Variants in RGS7 observed in about 807,000 individuals in gnomAD.
RGS7 encodes regulator of G-protein signaling 7.
Under a neutral mutation model 81.1 loss-of-function variants are expected in RGS7, and 27 were observed. The observed-to-expected ratio is 0.33, with a 90% CI of 0.25 to 0.46. The LOEUF (loss-of-function observed/expected upper bound fraction) is 0.46, where lower values mean the gene tolerates loss of function less well. Among genes scored for constraint, RGS7 ranks in the 20% least tolerant of loss-of-function variants. The pLI, the probability that RGS7 is intolerant of heterozygous loss-of-function variation, is 1.00. For missense variants in RGS7, 396 were observed against 607.4 expected, an observed-to-expected ratio of 0.65 and a Z score of 3.66; for synonymous variants, 208 against 207.7, an observed-to-expected ratio of 1.00 and a Z score of -0.01.
chr1:240,934,371 G>A (rs892630047), intron 5 of RGS7, among the ~76,000 whole-genome samples: 1 of 152,180 alleles, frequency 6.6e-6, no homozygotes, highest in East Asian at 1.9e-4. Context: ...CCAAGGAGTT[G>A]AATTTCACTT....
chr1:240,962,282 G>A (rs1164049453), intron 4 of RGS7, among the ~76,000 whole-genome samples: 4 of 152,058 alleles, frequency 2.6e-5, no homozygotes, highest in Non-Finnish European at 4.4e-5. Flanking sequence ...CTGCTGTCAC[G>A]CTCTGTCTAC....
At chr1:241,224,181 T>C (rs1405047990) in intron 2 of RGS7, among the ~76,000 whole-genome samples, 1 of 151,996 alleles carries the variant, frequency 6.6e-6, no homozygotes, top group Non-Finnish European at 1.5e-5. Context: ...CGTGCCTTGG[T>C]GGTTTGCTAC....
At chr1:240,953,997 T>C (rs1471205826) in intron 4 of RGS7, among the ~76,000 whole-genome samples, 1 of 151,976 alleles carries the variant, frequency 6.6e-6, no homozygotes, top group Non-Finnish European at 1.5e-5. Flanking sequence ...TTTGATAACT[T>C]AGATAAAAAA....
intron 3 of RGS7, among the ~76,000 whole-genome samples, chr1:241,005,542 T>A (rs1164109715): frequency 6.6e-6 from 1 of 152,094 alleles, no homozygotes; most frequent in Non-Finnish European, 1.5e-5. Flanking sequence ...TTTTATTTAC[T>A]TTTTATTTTT....
intron 3 of RGS7, among the ~76,000 whole-genome samples, chr1:241,079,023 GTGTT>G (rs2062985314): frequency 6.6e-6 from 1 of 152,154 alleles, no homozygotes; most frequent in Admixed American, 6.5e-5. Flanking sequence ...TAAATGGAGA[GTGTT>G]TGGGGGGCTC....
intron 6 of RGS7, among the ~76,000 whole-genome samples, chr1:240,881,692 C>T (rs1232059672): frequency 6.6e-6 from 1 of 151,984 alleles, no homozygotes; most frequent in Non-Finnish European, 1.5e-5. Flanking sequence ...GCAACTGAAA[C>T]ATTTATTAAG....
Position 240,811,905 on chromosome 1 carries a change from C to G in RGS7, c.1082+13G>C. 1 of 1,604,494 alleles carries G rather than the reference C, an allele frequency of 6.2e-7. No homozygotes were observed. The highest frequency in any genetic ancestry group is 8.5e-7 in the Non-Finnish European group (1 of 1,171,170). Reference sequence around the variant, plus strand: ...ATTTCTCTGGCTTATAAGATCCAAGCAATGTGTTTTACCTTAAATTTTCCG... The same window carrying G: ...ATTTCTCTGGCTTATAAGATCCAAGGAATGTGTTTTACCTTAAATTTTCCG... On this transcript the variant is annotated intron_variant, in intron 14 of 18. Transcript: ENST00000440928.
At chr1:240,991,627 G>T (rs970231257) in intron 3 of RGS7, among the ~76,000 whole-genome samples, 8 of 152,132 alleles carry the variant, frequency 5.3e-5, no homozygotes, top group African/African-American at 1.7e-4. Flanking sequence ...TGTTTCCTTA[G>T]GATGGGGATA....
chr1:240,800,933 G>C (rs4603122), intron 17 of RGS7, among the ~76,000 whole-genome samples: 80,351 of 151,914 alleles, frequency 0.53, 23,623 homozygotes, highest in Non-Finnish European at 0.66. Flanking sequence ...GAAAAATAAG[G>C]AATAAGAAAG....
Position 240,990,844 on chromosome 1 carries a change from G to A in RGS7, c.176-7715C>T, listed in dbSNP as rs75431056. On this transcript the variant is annotated intron_variant, in intron 3 of 18. Transcript: ENST00000440928. ...AGATACATTTGAAGCATTTGCCTAC[G>A]AGACTTTAAAAATGTTGTTCAGCAG... Among the ~76,000 whole-genome samples, 1,326 of 152,230 alleles carry A rather than the reference G, an allele frequency of 8.7e-3. 32 individuals carry two copies. Among genetic ancestry groups the A allele is most frequent in the African/African-American group, 0.03 (1,254 of 41,528 alleles).
intron 3 of RGS7, among the ~76,000 whole-genome samples, chr1:241,033,372 CG>C: frequency 6.6e-6 from 1 of 151,606 alleles, no homozygotes; most frequent in Non-Finnish European, 1.5e-5. Flanking sequence ...GCTGGGGGAG[CG>C]GGGGAGGAAA....
chr1:240,984,501 T>G (rs375843116), intron 3 of RGS7, among the ~76,000 whole-genome samples: 2 of 152,158 alleles, frequency 1.3e-5, no homozygotes, highest in East Asian at 3.9e-4. Context: ...ATGAATAGAA[T>G]GATGAAAATA....
chr1:241,202,589 G>A (rs2073601950), intron 2 of RGS7, among the ~76,000 whole-genome samples: 1 of 152,192 alleles, frequency 6.6e-6, no homozygotes, highest in Non-Finnish European at 1.5e-5. Flanking sequence ...AATGGTAACA[G>A]ACTGAGTGGG....
At chr1:240,956,323 T>C (rs1234760794) in intron 4 of RGS7, among the ~76,000 whole-genome samples, 1 of 150,402 alleles carries the variant, frequency 6.6e-6, no homozygotes, top group African/African-American at 2.4e-5. Context: ...AAAAAAAAAA[T>C]TGAATTAAGT....
intron 2 of RGS7, among the ~76,000 whole-genome samples, chr1:241,192,049 C>T (rs1040834571): frequency 1.3e-5 from 2 of 152,040 alleles, no homozygotes; most frequent in African/African-American, 4.8e-5. Context: ...TGAGCAGAGG[C>T]GGGGCCAAAC....
chr1:240,874,870 A>G (rs961739069), intron 6 of RGS7, among the ~76,000 whole-genome samples: 1 of 151,956 alleles, frequency 6.6e-6, no homozygotes, highest in Non-Finnish European at 1.5e-5. Context: ...GTGAAACCCT[A>G]TCTCTACTAA....
rs751762123 is a variant in RGS7, at chr1:240,827,180, T to C, written c.610-8A>G. The C allele has an allele frequency of 8.1e-6, 13 of 1,607,254 alleles. No individual in the cohort carries two copies. The highest frequency in any genetic ancestry group is 1.1e-5 in the Non-Finnish European group (13 of 1,173,886). Reference sequence around the variant, plus strand: ...TGTATTTACACATCCAGGCTGGGAATGGAAAAACAGAGAGACAAATGAATC... The same window carrying C: ...TGTATTTACACATCCAGGCTGGGAACGGAAAAACAGAGAGACAAATGAATC... On this transcript the variant is annotated splice_region_variant and splice_polypyrimidine_tract_variant and intron_variant, in intron 9 of 18. Coordinates refer to ENST00000440928, the MANE Select transcript of RGS7 (RefSeq NM_001364886.1).
chr1:241,188,419 A>T (rs1017779674), intron 2 of RGS7, among the ~76,000 whole-genome samples: 2 of 152,180 alleles, frequency 1.3e-5, no homozygotes, highest in Non-Finnish European at 2.9e-5. Flanking sequence ...CAGAAAAAAA[A>T]GTATTCAATA....
At chr1:241,183,499 C>G (rs904237191) in intron 2 of RGS7, among the ~76,000 whole-genome samples, 2 of 152,148 alleles carry the variant, frequency 1.3e-5, no homozygotes, top group African/African-American at 4.8e-5. Flanking sequence ...TGGAATTCAA[C>G]AGTCTAGATA....
Sources: allele counts gnomAD v4.1 joint callset (sites outside exome capture counted in the v4.1 genomes callset), GRCh38; gene constraint gnomAD v4.1.1; transcripts MANE v1.5; gene names NCBI Gene and HGNC (gene_info 2026-07-23, HGNC 2026-07-21).